SHANK2: variants seen among roughly 807,000 people sequenced by gnomAD.
The protein encoded by SHANK2 is SH3 and multiple ankyrin repeat domains 2.
Under a neutral mutation model 133.7 loss-of-function variants are expected in SHANK2, and 43 were observed. The observed-to-expected ratio is 0.32, with a 90% CI of 0.25 to 0.41. The LOEUF is 0.41. Ranked by LOEUF, SHANK2 falls within the 10% of genes least tolerant of loss-of-function variation. SHANK2 has a pLI of 1.00. For missense variants in SHANK2, 1,994 were observed against 2,235.8 expected (o/e 0.89, Z 2.18); for synonymous variants, 1,017 against 952.8 (o/e 1.07, Z -1.24).
At chr11:70,572,332 G>T (rs10899193) in intron 17 of SHANK2, among the ~76,000 whole-genome samples, 34,819 of 152,068 alleles carry the variant, frequency 0.23, 4,316 homozygotes, top group South Asian at 0.31. Context: ...GCTAATTTTT[G>T]CATTTTTAGT....
intron 15 of SHANK2, among the ~76,000 whole-genome samples, chr11:70,675,744 CA>C (rs1565233195): frequency 6.6e-6 from 1 of 152,146 alleles, no homozygotes; most frequent in African/African-American, 2.4e-5. Context: ...TGCTCTGTAT[CA>C]AAAAATTTGA....
chr11:71,193,460 C>A (rs949432071), intron 2 of SHANK2, among the ~76,000 whole-genome samples: 9 of 152,184 alleles, frequency 5.9e-5, no homozygotes, highest in Non-Finnish European at 7.4e-5. Context: ...TTGCGCTGGA[C>A]GTGCAAACAT....
intron 12 of SHANK2, among the ~76,000 whole-genome samples, chr11:70,810,752 G>T (rs372777482): frequency 6.6e-6 from 1 of 152,204 alleles, no homozygotes; most frequent in Admixed American, 6.5e-5. Context: ...ACCTGTGGTT[G>T]CTGGGAGACT....
chr11:70,747,699 ATGTG>A (rs1323886853), intron 14 of SHANK2, among the ~76,000 whole-genome samples: 22 of 152,302 alleles, frequency 1.4e-4, no homozygotes, highest in Middle Eastern at 6.8e-3. Flanking sequence ...ATGAGTATGT[ATGTG>A]TGTGTGCATG....
chr11:70,867,355 C>G (rs1949381817), intron 11 of SHANK2, among the ~76,000 whole-genome samples: 1 of 152,216 alleles, frequency 6.6e-6, no homozygotes, highest in Admixed American at 6.5e-5. Flanking sequence ...ACACGGGCAG[C>G]AGGGCCGAGA....
At chr11:71,101,794 G>A (rs1322620082) in intron 6 of SHANK2, among the ~76,000 whole-genome samples, 1 of 152,232 alleles carries the variant, frequency 6.6e-6, no homozygotes, top group Admixed American at 6.5e-5. Flanking sequence ...TAACTGAGCG[G>A]TGCGGGAGCT....
chr11:70,753,604 CAAAG>C (rs146853461), intron 14 of SHANK2, among the ~76,000 whole-genome samples: 16,912 of 151,506 alleles, frequency 0.11, 1,940 homozygotes, highest in African/African-American at 0.3. Flanking sequence ...GTAAGACTGA[CAAAG>C]AAATAAAGAC....
intron 25 of SHANK2, chr11:70,477,528 G>A (rs951379100): frequency 3.9e-5 from 6 of 152,214 alleles, no homozygotes; most frequent in African/African-American, 1.4e-4. Context: ...GTTCGCCTCT[G>A]CCTGAAGCCC....
Position 71,188,816 on chromosome 11 carries a change from C to T in SHANK2, c.-13+35881G>A, listed in dbSNP as rs72957128. 3.4e-3 allele frequency among the ~76,000 whole-genome samples: 525 copies of T among 152,320 alleles called. 12 individuals are homozygous for T. Among genetic ancestry groups the T allele is most frequent in the South Asian group, 0.02 (98 of 4,820 alleles). On this transcript the variant is annotated intron_variant, in intron 2 of 25. Transcript: ENST00000601538. The surrounding 1 kb of genome is among the most constrained non-coding windows in gnomAD (Gnocchi z 4.6). The stretch of plus-strand genomic sequence containing the variant: ...CACCTCCAAATGGAGCTAAGGCCTA[C>T]GTGGTTTCTCAGGGACCCTGACCTT...
intron 9 of SHANK2, among the ~76,000 whole-genome samples, chr11:71,065,851 C>T (rs1951048186): frequency 2.2e-5 from 2 of 92,818 alleles, no homozygotes; most frequent in Admixed American, 1.6e-4. Context: ...AGAACTCTCC[C>T]AGGGAGATGA....
chr11:70,933,229 C>T (rs952871156), intron 10 of SHANK2: 1 of 456,252 alleles, frequency 2.2e-6, no homozygotes, highest in African/African-American at 2.0e-5. Flanking sequence ...ATGGAGGAAC[C>T]TTGAGGACAC....
At chr11:70,590,511 T>C (rs1449919482) in intron 17 of SHANK2, among the ~76,000 whole-genome samples, 4 of 152,154 alleles carry the variant, frequency 2.6e-5, no homozygotes, top group Non-Finnish European at 4.4e-5. Context: ...GTAAACTTCA[T>C]TGTTGTCTTA....
At chr11:70,840,999 A>G (rs2095659256) in intron 11 of SHANK2, among the ~76,000 whole-genome samples, 1 of 152,140 alleles carries the variant, frequency 6.6e-6, no homozygotes, top group Non-Finnish European at 1.5e-5. Context: ...GTGGTGGCTC[A>G]TGTCTGTAAT....
In SHANK2 at chr11:70,490,281, G is replaced by A; in HGVS notation, c.2546C>T (p.Ser849Leu). The A allele has an allele frequency of 1.2e-6, 2 of 1,613,752 alleles. No individual in the cohort carries two copies. The highest frequency in any genetic ancestry group is 2.2e-5 in the South Asian group (2 of 91,070). Residue 849 changes from serine (S) to leucine (L), a missense_variant, in exon 23 of 26, where the codon TCA (serine) becomes TTA (leucine). By Grantham distance (145) the Ser-to-Leu change is moderately radical. Transcript: ENST00000601538. ...GGGAGTGCCACACTTCTTACCTATT[G>A]ATTTCTGCCTTCGCATCGTACCTCG... The part of the protein sequence containing the change: ...IPRGTMRRQK[S>L]IDSRIFLSGI...
In SHANK2 at chr11:70,472,785, A is replaced by G; in HGVS notation, c.*84T>C. 7.4e-7 allele frequency: 1 copy of G among 1,343,030 alleles called. No homozygotes were observed. The highest frequency in any genetic ancestry group is 1.1e-6 in the Non-Finnish European group (1 of 933,656). The allele number at this position is 1,343,030 out of a possible 1,614,324, so 83.2% of individuals were successfully genotyped here. On this transcript the variant is annotated 3_prime_UTR_variant, in exon 26 of 26. Coordinates refer to ENST00000601538, the MANE Select transcript of SHANK2 (RefSeq NM_012309.5). The surrounding 1 kb of genome is among the most constrained non-coding windows in gnomAD (Gnocchi z 4.4). ...CATGGAGTGGGGTTGATGCTCACAG[A>G]CTTCGCTTGGCATTCAGATGTTTCA...
At chr11:70,895,280 AAC>A (rs1949916211) in intron 11 of SHANK2, 1 of 152,706 alleles carries the variant, frequency 6.5e-6, no homozygotes, top group Non-Finnish European at 1.5e-5. Flanking sequence ...TCGACAGCCA[AAC>A]ACAGTTCTGC....
At chr11:71,129,196 AG>A (rs1952247703) in intron 3 of SHANK2, among the ~76,000 whole-genome samples, 1 of 152,254 alleles carries the variant, frequency 6.6e-6, no homozygotes, top group African/African-American at 2.4e-5. Flanking sequence ...ATCATCCAAC[AG>A]TCAAGAAAGG....
intron 2 of SHANK2, among the ~76,000 whole-genome samples, chr11:71,151,717 G>A (rs1414704545): frequency 6.6e-6 from 1 of 152,212 alleles, no homozygotes; most frequent in Admixed American, 6.5e-5. Context: ...CAGAGCCCTG[G>A]CACAGAGCAG....
At chr11:71,181,696 G>A (rs1298596261) in intron 2 of SHANK2, among the ~76,000 whole-genome samples, 8 of 152,096 alleles carry the variant, frequency 5.3e-5, no homozygotes, top group Non-Finnish European at 7.4e-5. Flanking sequence ...CAAGGCAACC[G>A]TGACACCGCA....
Sources: gnomAD v4.1 joint callset for allele counts (sites outside exome capture counted in the v4.1 genomes callset) on GRCh38, gnomAD v4.1.1 for gene constraint, Gnocchi (gnomAD v3.1) non-coding constraint, MANE v1.5 for transcripts, NCBI Gene and HGNC (gene_info 2026-07-23, HGNC 2026-07-21) for gene names.